The following PDE1C variants were observed in gnomAD, a reference collection of about 807,000 sequenced individuals.
PDE1C encodes the protein dual specificity calcium/calmodulin-dependent 3',5'-cyclic nucleotide phosphodiesterase 1C.
A neutral mutation model predicts 93.1 loss-of-function variants in PDE1C; 62 were observed. The ratio of observed to expected loss-of-function variants is 0.67; its 90% CI spans 0.54 to 0.82. PDE1C has a LOEUF of 0.82. Among genes scored for constraint, PDE1C ranks in the 40% least tolerant of loss-of-function variants. PDE1C has a pLI of 0.00. For missense variants in PDE1C, 742 were observed against 884.6 expected, an observed-to-expected ratio of 0.84 and a Z score of 2.04; for synonymous variants, 325 against 310.1, an observed-to-expected ratio of 1.05 and a Z score of -0.50.
intron 3 of PDE1C, among the ~76,000 whole-genome samples, chr7:32,132,881 A>G (rs1399953913): frequency 6.6e-6 from 1 of 152,140 alleles, no homozygotes. Context: ...ATTAGACTAG[A>G]TGTGGGATTT....
chr7:31,638,857 A>G, the PDE1C span, among the ~76,000 whole-genome samples: 1 of 151,374 alleles, frequency 6.6e-6, no homozygotes, highest in Non-Finnish European at 1.5e-5. Context: ...GCTTACTACA[A>G]CCTCCACCTC....
At chr7:32,054,761 C>T (rs773812266) in intron 1 of PDE1C, among the ~76,000 whole-genome samples, 8 of 152,192 alleles carry the variant, frequency 5.3e-5, no homozygotes, top group Non-Finnish European at 1.2e-4. Flanking sequence ...CATTTAGACA[C>T]AGCCCTAAAA....
intron 3 of PDE1C, among the ~76,000 whole-genome samples, chr7:32,155,684 C>A (rs1398403138): frequency 1.3e-5 from 2 of 152,240 alleles, no homozygotes; most frequent in Non-Finnish European, 2.9e-5. Flanking sequence ...CTTCCAGACA[C>A]CATGCTCACC....
At chr7:32,190,764 A>C (rs1037802039) in intron 2 of PDE1C, among the ~76,000 whole-genome samples, 5 of 152,218 alleles carry the variant, frequency 3.3e-5, no homozygotes, top group Admixed American at 6.5e-5. Context: ...TTAAAGATAT[A>C]CTTAGGATAC....
the PDE1C span, among the ~76,000 whole-genome samples, chr7:31,679,184 G>A: frequency 6.6e-6 from 1 of 152,142 alleles, no homozygotes; most frequent in Non-Finnish European, 1.5e-5. Flanking sequence ...GCCACTTCCA[G>A]GCCAGGGTAT....
chr7:31,976,429 G>T lies in PDE1C; in HGVS notation c.128+75125C>A, dbSNP rs1324375991. The stretch of plus-strand genomic sequence containing the variant: ...AGTTAACAAAAGACTCAGGGTCAGG[G>T]ATAATTAAATTCATAAGTATGTGAA... On this transcript the variant is annotated intron_variant, in intron 2 of 17. Transcript: ENST00000396191. Among the ~76,000 whole-genome samples the T allele has an allele frequency of 2.6e-5, 4 of 152,254 alleles. No homozygotes were observed. In the South Asian group the frequency reaches 6.2e-4, roughly 24 times the overall value.
At chr7:32,289,868 G>A (rs1422930080) in intron 1 of PDE1C, among the ~76,000 whole-genome samples, 1 of 152,224 alleles carries the variant, frequency 6.6e-6, no homozygotes, top group Non-Finnish European at 1.5e-5. Context: ...AAGAGAAGCA[G>A]CACAGCCATT....
intron 17 of PDE1C, among the ~76,000 whole-genome samples, chr7:31,757,953 A>C (rs914685200): frequency 1.1e-4 from 17 of 152,208 alleles, no homozygotes; most frequent in African/African-American, 4.1e-4. Flanking sequence ...TACACCATGG[A>C]ATACTATGCA....
At chr7:32,180,477 C>T (rs373996954) in intron 2 of PDE1C, among the ~76,000 whole-genome samples, 92 of 152,208 alleles carry the variant, frequency 6.0e-4, no homozygotes, top group Middle Eastern at 3.4e-3. Flanking sequence ...GAGGGATTCA[C>T]GGAAGGACTC....
intron 6 of PDE1C, among the ~76,000 whole-genome samples, chr7:31,871,177 T>C (rs1335227885): frequency 6.6e-6 from 1 of 151,828 alleles, no homozygotes; most frequent in Non-Finnish European, 1.5e-5. Context: ...TATCCATATA[T>C]AGAAGAATAA....
chr7:32,105,673 G>A (rs1014411798), intron 3 of PDE1C, among the ~76,000 whole-genome samples: 1 of 151,058 alleles, frequency 6.6e-6, no homozygotes, highest in African/African-American at 2.4e-5. Flanking sequence ...AAGCAGCTGG[G>A]ACTACAGGGA....
At chr7:31,918,050 T>C (rs149956876) in intron 2 of PDE1C, among the ~76,000 whole-genome samples, 27 of 152,190 alleles carry the variant, frequency 1.8e-4, no homozygotes, top group African/African-American at 5.8e-4. Flanking sequence ...TTACAAGAGG[T>C]CGGGGTGATT....
chr7:31,930,179 C>T (rs1803993090), intron 2 of PDE1C, among the ~76,000 whole-genome samples: 3 of 152,132 alleles, frequency 2.0e-5, no homozygotes, highest in Non-Finnish European at 4.4e-5. Flanking sequence ...TGGATAAATT[C>T]CTGGACACAT....
rs3214338 is a variant in PDE1C, at chr7:31,878,110, AG to A, written c.426-75del. ...ATTTGTAATCCACAGACTCATACCAAGTATTGACAAATAATAAGAAGTCAAG... is the reference window on the plus strand; with the variant it reads ...ATTTGTAATCCACAGACTCATACCAATATTGACAAATAATAAGAAGTCAAG... On this transcript the variant is annotated intron_variant, in intron 4 of 17. Transcript: ENST00000396191. The A allele has an allele frequency of 2.6e-3, 2,623 of 1,013,186 alleles. 91 individuals carry two copies. In the East Asian group the frequency reaches 0.056, roughly 22 times the overall value. 62.8% of individuals were successfully genotyped at this position (1,013,186 alleles called of 1,614,324 possible).
intron 16 of PDE1C, among the ~76,000 whole-genome samples, chr7:31,807,378 C>T (rs1047328365): frequency 1.3e-5 from 2 of 151,870 alleles, no homozygotes; most frequent in Non-Finnish European, 2.9e-5. Context: ...CACAATAGAA[C>T]ATAAAATCTA....
chr7:31,685,245 T>C, the PDE1C span, among the ~76,000 whole-genome samples: 3 of 152,034 alleles, frequency 2.0e-5, no homozygotes, highest in Non-Finnish European at 4.4e-5. Context: ...TAAAAAGTGA[T>C]TGGGAGCAGG....
intron 1 of PDE1C, among the ~76,000 whole-genome samples, chr7:32,250,446 A>C (rs1809286209): frequency 1.3e-5 from 2 of 152,212 alleles, no homozygotes; most frequent in African/African-American, 4.8e-5. Context: ...GGTCCATCTC[A>C]GACCAATTGA....
At chr7:32,260,807 A>G (rs10264854) in intron 1 of PDE1C, among the ~76,000 whole-genome samples, 17,835 of 152,256 alleles carry the variant, frequency 0.12, 1,204 homozygotes, top group African/African-American at 0.16. Flanking sequence ...TGCCTTTGCA[A>G]GACTAACAAA....
At chr7:32,254,761 C>A (rs1239881948) in intron 1 of PDE1C, among the ~76,000 whole-genome samples, 1 of 152,022 alleles carries the variant, frequency 6.6e-6, no homozygotes, top group Non-Finnish European at 1.5e-5. Flanking sequence ...CAGAGGAGAT[C>A]TCAGAAACCC....
Sources: gnomAD v4.1 joint callset for allele counts (sites outside exome capture counted in the v4.1 genomes callset) on GRCh38, gnomAD v4.1.1 for gene constraint, MANE v1.5 for transcripts, NCBI Gene and HGNC (gene_info 2026-07-23, HGNC 2026-07-21) for gene names.